The following CBX1 variants were observed in gnomAD, a reference collection of about 807,000 sequenced individuals.
CBX1 encodes chromobox protein homolog 1.
CBX1 carries 10 observed loss-of-function variants against 25.1 expected under a neutral mutation model. That is an observed-to-expected ratio of 0.40 (90% CI 0.25 to 0.68). The LOEUF (loss-of-function observed/expected upper bound fraction) is 0.68, where lower values mean the gene tolerates loss of function less well. CBX1 is among the 30% of genes least tolerant of loss of function. The probability of loss-of-function intolerance (pLI) is 0.40; values close to 1 mark genes in which losing one functional copy is unlikely to be tolerated. For missense variants in CBX1, 106 were observed against 218.5 expected (o/e 0.49, Z 3.25); for synonymous variants, 63 against 79.4 (o/e 0.79, Z 1.10).
intron 1 of CBX1, among the ~76,000 whole-genome samples, chr17:48,078,787 C>CTTTTTTTG (rs2037702391): frequency 1.3e-5 from 1 of 76,258 alleles, no homozygotes; most frequent in African/African-American, 6.7e-5. Context: ...CGTGCCTGGA[C>CTTTTTTTG]TTTTTTTTTT....
At chr17:48,084,202 CTTTTTTTTTTTTTTTTTTT>C (rs869263376) in intron 1 of CBX1, among the ~76,000 whole-genome samples, 2 of 61,320 alleles carry the variant, frequency 3.3e-5, no homozygotes, top group Non-Finnish European at 5.3e-5. Flanking sequence ...TCTTTCTTTC[CTTTTTTTTTTTTTTTTTTT>C]TTTTTTTTGA....
intron 4 of CBX1, among the ~76,000 whole-genome samples, chr17:48,073,401 G>A (rs753265437): frequency 1.3e-5 from 2 of 152,070 alleles, no homozygotes; most frequent in Non-Finnish European, 2.9e-5. Flanking sequence ...CACCCTCTGA[G>A]TTAAATTTAG....
chr17:48,080,418 A>G (rs2037719140), intron 1 of CBX1, among the ~76,000 whole-genome samples: 1 of 152,128 alleles, frequency 6.6e-6, no homozygotes, highest in Non-Finnish European at 1.5e-5. Flanking sequence ...CAATGAAACA[A>G]AATTGATCAA....
At chr17:48,092,888 T>C (rs764633052) in intron 1 of CBX1, among the ~76,000 whole-genome samples, 3 of 151,846 alleles carry the variant, frequency 2.0e-5, no homozygotes, top group Non-Finnish European at 4.4e-5. Flanking sequence ...CTGACCAACA[T>C]GGAGAAACCC....
intron 1 of CBX1, 27 bp downstream of exon 1, chr17:48,101,241 C>T (rs371360245): frequency 5.1e-6 from 5 of 989,246 alleles, no homozygotes; most frequent in African/African-American, 1.7e-5. Flanking sequence ...CCTCCCCCAG[C>T]TCTCCCGCCT....
At chr17:48,086,251 AAAG>A (rs1302803904) in intron 1 of CBX1, among the ~76,000 whole-genome samples, 1 of 152,216 alleles carries the variant, frequency 6.6e-6, no homozygotes, top group African/African-American at 2.4e-5. Flanking sequence ...TAGAAAATGT[AAAG>A]AAGCAACAAT....
intron 1 of CBX1, among the ~76,000 whole-genome samples, chr17:48,090,963 TG>T (rs2063341043): frequency 6.6e-6 from 1 of 152,258 alleles, no homozygotes; most frequent in Non-Finnish European, 1.5e-5. Context: ...TGCACACATG[TG>T]TTTGCAAAGC....
At position 48,070,209 on chromosome 17, in the gene CBX1, G is replaced by C. The variant is rs1323331063; in HGVS notation, c.*1226C>G. The C allele has an allele frequency of 6.6e-6, 1 of 152,660 alleles. No homozygotes were observed. The highest frequency in any genetic ancestry group is 1.9e-4 in the East Asian group (1 of 5,206). The allele number at this position is 152,660 out of a possible 1,614,324, so 9.5% of individuals were successfully genotyped here. On this transcript the variant is annotated 3_prime_UTR_variant, in exon 5 of 5. Coordinates refer to ENST00000225603, the MANE Select transcript of CBX1 (RefSeq NM_001127228.2). ...GTCTAGACAATATCAAGAACTGATG[G>C]TTCTCATGACTCAAGACAGAGCATT...
chr17:48,082,676 C>G (rs2037751043), intron 1 of CBX1, among the ~76,000 whole-genome samples: 1 of 148,568 alleles, frequency 6.7e-6, no homozygotes, highest in Non-Finnish European at 1.5e-5. Flanking sequence ...GCTGGGACTA[C>G]AGATGCACAC....
chr17:48,096,229 AG>A, intron 1 of CBX1: 1 of 364,042 alleles, frequency 2.7e-6, no homozygotes, highest in Non-Finnish European at 3.8e-6. Flanking sequence ...AGAGGATCAA[AG>A]GCTAGAATGC....
Position 48,070,583 on chromosome 17 carries a change from G to A in CBX1, c.*852C>T, listed in dbSNP as rs8438. On this transcript the variant is annotated 3_prime_UTR_variant, in exon 5 of 5. Coordinates refer to ENST00000225603, the MANE Select transcript of CBX1 (RefSeq NM_001127228.2). ...TGAACAAGCTGATATTTATAACTTCGTTACTGGAAAAGAAAGGGTCTTCTA... is the reference window on the plus strand; with the variant it reads ...TGAACAAGCTGATATTTATAACTTCATTACTGGAAAAGAAAGGGTCTTCTA... 34,602 of 152,532 alleles carry A rather than the reference G, an allele frequency of 0.23. 4,212 individuals carry two copies. Among genetic ancestry groups the A allele is most frequent in the South Asian group, 0.33 (1,599 of 4,818 alleles). 9.4% of individuals were successfully genotyped at this position (152,532 alleles called of 1,614,324 possible). A position where few individuals can be genotyped will look rare whatever the true frequency, so the allele number is the denominator to read the frequency against.
intron 1 of CBX1, among the ~76,000 whole-genome samples, chr17:48,083,090 T>C (rs2144445778): frequency 6.8e-6 from 1 of 147,910 alleles, no homozygotes; most frequent in Non-Finnish European, 1.5e-5. Context: ...GGTCTTGAAC[T>C]CCCAACCTCA....
intron 1 of CBX1, among the ~76,000 whole-genome samples, chr17:48,090,812 T>G (rs2063340414): frequency 6.6e-6 from 1 of 152,204 alleles, no homozygotes; most frequent in Admixed American, 6.6e-5. Context: ...CCTATTGTAT[T>G]CATTCACATA....
intron 2 of CBX1, 53 bp downstream of exon 2, chr17:48,076,812 A>T (rs2037679018): frequency 6.4e-7 from 1 of 1,551,576 alleles, no homozygotes. Context: ...ATACATCTCT[A>T]GACTCCTGAT....
At chr17:48,089,297 T>G (rs554439512) in intron 1 of CBX1, among the ~76,000 whole-genome samples, 20 of 150,994 alleles carry the variant, frequency 1.3e-4, no homozygotes, top group Non-Finnish European at 2.4e-4. Flanking sequence ...GAGAGAGGGT[T>G]TCACTGTGTT....
At chr17:48,091,698 T>C (rs902420171) in intron 1 of CBX1, among the ~76,000 whole-genome samples, 30 of 152,134 alleles carry the variant, frequency 2.0e-4, no homozygotes, top group Admixed American at 1.4e-3. Flanking sequence ...CGCGCCACCA[T>C]GCCCAGCTAA....
At position 48,101,463 on chromosome 17, in the gene CBX1, G is replaced by T; in HGVS notation, c.-233C>A. On this transcript the variant is annotated 5_prime_UTR_variant, in exon 1 of 5. Transcript: ENST00000225603. ...CGAACAAAAGAGCCTCGCAGTCTGC[G>T]CTGCCCGCCGCTCGCACCGCGCAGG... 4.1e-6 allele frequency: 4 copies of T among 985,662 alleles called. No individual in the cohort carries two copies. Among genetic ancestry groups the T allele is most frequent in the Non-Finnish European group, 4.8e-6 (4 of 830,124 alleles). 61.1% of individuals were successfully genotyped at this position (985,662 alleles called of 1,614,324 possible). A position where few individuals can be genotyped will look rare whatever the true frequency, so the allele number is the denominator to read the frequency against.
intron 1 of CBX1, among the ~76,000 whole-genome samples, chr17:48,097,129 T>A (rs932376450): frequency 6.6e-6 from 1 of 151,698 alleles, no homozygotes; most frequent in Non-Finnish European, 1.5e-5. Flanking sequence ...GGCAGGCGCC[T>A]GTAATTCCAG....
At chr17:48,098,942 T>C (rs2063391582) in intron 1 of CBX1, among the ~76,000 whole-genome samples, 2 of 152,188 alleles carry the variant, frequency 1.3e-5, no homozygotes, top group Middle Eastern at 3.2e-3. Flanking sequence ...GTCCTTAAAA[T>C]GGGCACAAGA....
Sources: allele counts gnomAD v4.1 joint callset (sites outside exome capture counted in the v4.1 genomes callset), GRCh38; gene constraint gnomAD v4.1.1; transcripts MANE v1.5; gene names NCBI Gene and HGNC (gene_info 2026-07-23, HGNC 2026-07-21).